The following HTR1E variants were observed in gnomAD, a reference collection of about 807,000 sequenced individuals.
HTR1E encodes 5-HT-1E.
HTR1E carries 3 observed loss-of-function variants against 3.4 expected under a neutral mutation model. The observed-to-expected ratio is 0.89, with a 90% confidence interval of 0.41 to 2.31. The LOEUF (loss-of-function observed/expected upper bound fraction) is 2.31. HTR1E is among the 30% of genes most tolerant of loss of function. The probability of loss-of-function intolerance (pLI) is 0.05; values close to 1 mark genes in which losing one functional copy is unlikely to be tolerated. For synonymous variants in HTR1E, 170 were observed against 182.8 expected, an observed-to-expected ratio of 0.93 and a Z score of 0.56; for missense variants, 392 against 467.0, an observed-to-expected ratio of 0.84 and a Z score of 1.48.
At chr6:86,970,184 C>T (rs1213240842) in intron 1 of HTR1E, among the ~76,000 whole-genome samples, 1 of 152,142 alleles carries the variant, frequency 6.6e-6, no homozygotes, top group East Asian at 1.9e-4. Flanking sequence ...CCCAGGGCTC[C>T]ATTCCTGGAG....
chr6:87,008,248 A>G (rs182902700), intron 1 of HTR1E, among the ~76,000 whole-genome samples: 65 of 152,326 alleles, frequency 4.3e-4, no homozygotes, highest in African/African-American at 1.5e-3. Flanking sequence ...CACTGCTTCT[A>G]CTGAAGATCT....
At chr6:86,967,368 CTT>C (rs1266824034) in intron 1 of HTR1E, among the ~76,000 whole-genome samples, 1 of 151,944 alleles carries the variant, frequency 6.6e-6, no homozygotes, top group Non-Finnish European at 1.5e-5. Context: ...TGCCAGTTCT[CTT>C]GTTTATATAA....
chr6:87,002,212 G>C (rs111609563), intron 1 of HTR1E, among the ~76,000 whole-genome samples: 2 of 152,128 alleles, frequency 1.3e-5, no homozygotes, highest in Non-Finnish European at 2.9e-5. Context: ...TGGTGTGTCC[G>C]GAGTTTGTTA....
intron 1 of HTR1E, among the ~76,000 whole-genome samples, chr6:87,003,538 CAAAAAAAA>C (rs56069995): frequency 7.5e-6 from 1 of 133,524 alleles, no homozygotes; most frequent in South Asian, 2.4e-4. Context: ...GACTCCATCT[CAAAAAAAA>C]AAAAAGAAAA....
chr6:86,995,860 A>C (rs2127828976), intron 1 of HTR1E, among the ~76,000 whole-genome samples: 1 of 152,114 alleles, frequency 6.6e-6, no homozygotes, highest in South Asian at 2.1e-4. Context: ...CTTCAGAGTA[A>C]AGAAAATTAC....
At chr6:86,944,935 A>G (rs1322192682) in intron 1 of HTR1E, among the ~76,000 whole-genome samples, 1 of 135,484 alleles carries the variant, frequency 7.4e-6, no homozygotes, top group Non-Finnish European at 1.6e-5. Context: ...AGTATATAAT[A>G]CTTGATAATA....
intron 1 of HTR1E, among the ~76,000 whole-genome samples, chr6:86,973,182 C>T (rs1767584440): frequency 6.6e-6 from 1 of 152,064 alleles, no homozygotes; most frequent in East Asian, 1.9e-4. Context: ...CTTTTAAATC[C>T]TTGGCTTTTA....
chr6:86,985,609 G>A (rs75783294), intron 1 of HTR1E, among the ~76,000 whole-genome samples: 213 of 152,238 alleles, frequency 1.4e-3, no homozygotes, highest in African/African-American at 4.8e-3. Context: ...CTAGGATAGC[G>A]CTAGTCAGCA....
intron 1 of HTR1E, among the ~76,000 whole-genome samples, chr6:86,952,498 G>GAC (rs149359215): frequency 0.15 from 21,971 of 146,946 alleles, 1,770 homozygotes; most frequent in African/African-American, 0.23. Context: ...CACACACACA[G>GAC]ACACACACAC....
chr6:87,004,812 A>G (rs1185855234), intron 1 of HTR1E, among the ~76,000 whole-genome samples: 1 of 152,188 alleles, frequency 6.6e-6, no homozygotes, highest in African/African-American at 2.4e-5. Context: ...CCTTGTTTAT[A>G]GATAATATGA....
At chr6:86,975,792 T>A (rs188431025) in intron 1 of HTR1E, among the ~76,000 whole-genome samples, 128 of 152,266 alleles carry the variant, frequency 8.4e-4, no homozygotes, top group Non-Finnish European at 1.2e-3. Context: ...GAAAAGTGAT[T>A]CCTTTCCTTC....
chr6:86,987,143 A>G lies in HTR1E; in HGVS notation c.-185-28007A>G, dbSNP rs1390717925. 3.3e-5 allele frequency among the ~76,000 whole-genome samples: 5 copies of G among 152,164 alleles called. 1 individual carries two copies. The highest frequency in any genetic ancestry group is 2.0e-4 in the Admixed American group (3 of 15,262). ...CTTTCCACAGCCATGGCAAATACCA[A>G]TTATCAATTCACAGCAATTCTCATG... On this transcript the variant is annotated intron_variant, in intron 1 of 1. Coordinates refer to ENST00000305344, the MANE Select transcript of HTR1E (RefSeq NM_000865.3).
At chr6:86,964,142 C>A (rs1233301363) in intron 1 of HTR1E, among the ~76,000 whole-genome samples, 1 of 152,132 alleles carries the variant, frequency 6.6e-6, no homozygotes, top group Non-Finnish European at 1.5e-5. Context: ...AATATCCAGT[C>A]TTCTAGTTTG....
intron 1 of HTR1E, among the ~76,000 whole-genome samples, chr6:87,010,733 T>C (rs1384723606): frequency 1.3e-5 from 2 of 148,902 alleles, no homozygotes; most frequent in Non-Finnish European, 3.0e-5. Context: ...ACTCCTCACT[T>C]CCCAGACGGG....
intron 1 of HTR1E, among the ~76,000 whole-genome samples, chr6:86,977,638 C>T (rs1485864283): frequency 6.6e-6 from 1 of 152,172 alleles, no homozygotes; most frequent in African/African-American, 2.4e-5. Context: ...AATTTACATT[C>T]CCACCAACAG....
intron 1 of HTR1E, among the ~76,000 whole-genome samples, chr6:86,974,951 C>A (rs1582268043): frequency 6.6e-6 from 1 of 152,144 alleles, no homozygotes; most frequent in Non-Finnish European, 1.5e-5. Flanking sequence ...CAAGATCATT[C>A]GCATTTTCTC....
At chr6:86,943,997 G>A (rs762303695) in intron 1 of HTR1E, among the ~76,000 whole-genome samples, 1 of 152,136 alleles carries the variant, frequency 6.6e-6, no homozygotes, top group African/African-American at 2.4e-5. Flanking sequence ...GAAAGGTAAC[G>A]CTTCCAAGCT....
chr6:86,982,185 T>C (rs1212918083), intron 1 of HTR1E, among the ~76,000 whole-genome samples: 3 of 152,196 alleles, frequency 2.0e-5, no homozygotes, highest in African/African-American at 7.2e-5. Flanking sequence ...TTATAGACCA[T>C]ATTTTCCTGT....
chr6:86,949,018 G>A (rs575421130), intron 1 of HTR1E, among the ~76,000 whole-genome samples: 21 of 152,320 alleles, frequency 1.4e-4, no homozygotes, highest in African/African-American at 4.3e-4. Context: ...GAAGTTTCAT[G>A]AGCAAGTAAA....
Sources: allele counts gnomAD v4.1 joint callset (sites outside exome capture counted in the v4.1 genomes callset), GRCh38; gene constraint gnomAD v4.1.1; transcripts MANE v1.5; gene names NCBI Gene and HGNC (gene_info 2026-07-23, HGNC 2026-07-21).